GAS2: variants seen among roughly 807,000 people sequenced by gnomAD.
GAS2 encodes the protein growth arrest specific 2.
A neutral mutation model predicts 37.5 loss-of-function variants in GAS2; 20 were observed. The observed-to-expected ratio is 0.53, with a 90% CI of 0.37 to 0.77. The LOEUF is 0.77. GAS2 is among the 30% of genes least tolerant of loss of function. The pLI is 0.00. For synonymous variants in GAS2, 144 were observed against 132.2 expected (o/e 1.09, Z -0.61); for missense variants, 336 against 373.4 (o/e 0.90, Z 0.82).
intron 1 of GAS2, among the ~76,000 whole-genome samples, chr11:22,658,033 T>C (rs954405925): frequency 1.3e-5 from 2 of 151,742 alleles, no homozygotes; most frequent in African/African-American, 2.4e-5. Flanking sequence ...TTTTTTTTTT[T>C]TTTTCTTTTT....
intron 3 of GAS2, among the ~76,000 whole-genome samples, chr11:22,705,473 T>C (rs1452353032): frequency 6.6e-6 from 1 of 152,192 alleles, no homozygotes; most frequent in Non-Finnish European, 1.5e-5. Context: ...GCTAACTGTG[T>C]ACAAGATCTG....
In GAS2 at chr11:22,812,080, G is replaced by A. The variant is rs1857205760; in HGVS notation, c.*64G>A. Reference sequence around the variant, plus strand: ...TGTATCCACTTCTCCAGTATAGTCAGTTTAGTTCATATGTTCTGAAAACTG... The same window carrying A: ...TGTATCCACTTCTCCAGTATAGTCAATTTAGTTCATATGTTCTGAAAACTG... On this transcript the variant is annotated 3_prime_UTR_variant, in exon 8 of 8. Transcript: ENST00000454584. 3.4e-6 allele frequency: 4 copies of A among 1,186,888 alleles called. No individual in the cohort carries two copies. Among genetic ancestry groups the A allele is most frequent in the Non-Finnish European group, 5.0e-6 (4 of 801,842 alleles). 73.5% of individuals were successfully genotyped at this position (1,186,888 alleles called of 1,614,324 possible).
chr11:22,660,134 C>T (rs763669643), intron 1 of GAS2, among the ~76,000 whole-genome samples: 34 of 151,926 alleles, frequency 2.2e-4, no homozygotes, highest in Admixed American at 3.3e-4. Context: ...AATGAGCTCC[C>T]GGAAAGCAGG....
At chr11:22,726,240 A>G (rs1041208985) in intron 3 of GAS2, 52 bp from the exon 4 acceptor site, 2 of 1,546,770 alleles carry the variant, frequency 1.3e-6, no homozygotes, top group African/African-American at 2.8e-5. Flanking sequence ...TTAAAACATC[A>G]TTGTGCTAAC....
At chr11:22,758,034 T>A (rs1854146085) in intron 7 of GAS2, among the ~76,000 whole-genome samples, 1 of 152,218 alleles carries the variant, frequency 6.6e-6, no homozygotes, top group Admixed American at 6.5e-5. Context: ...CATATGATTA[T>A]GCTAGTACTT....
intron 5 of GAS2, among the ~76,000 whole-genome samples, chr11:22,748,220 A>T (rs1853519401): frequency 6.6e-6 from 1 of 152,052 alleles, no homozygotes; most frequent in Non-Finnish European, 1.5e-5. Flanking sequence ...TTAAGTCTTT[A>T]TCCTGCTCCT....
In GAS2 at chr11:22,803,502, C is replaced by T. The variant is rs185840189; in HGVS notation, c.724-8296C>T. The stretch of plus-strand genomic sequence containing the variant: ...AGCATGGGTGAAAACCAAAATCTAG[C>T]ACTTTGCAGAATATGTGGGTATGTT... On this transcript the variant is annotated intron_variant, in intron 7 of 7. Coordinates refer to ENST00000454584, the MANE Select transcript of GAS2 (RefSeq NM_001143830.3). Among the ~76,000 whole-genome samples, 13 of 152,220 alleles carry T rather than the reference C, an allele frequency of 8.5e-5. No homozygotes were observed. The East Asian group carries it at 2.1e-3, about 25-fold the overall frequency.
intron 1 of GAS2, among the ~76,000 whole-genome samples, chr11:22,651,315 T>A (rs1393833853): frequency 6.6e-6 from 1 of 152,226 alleles, no homozygotes; most frequent in Non-Finnish European, 1.5e-5. Context: ...CTTCCCTTTG[T>A]GGGTAACCCG....
At chr11:22,688,250 T>C (rs1850063006) in intron 3 of GAS2, 1 of 152,198 alleles carries the variant, frequency 6.6e-6, no homozygotes, top group South Asian at 2.1e-4. Context: ...AATAGGGCTC[T>C]TGATAAAATC....
intron 5 of GAS2, among the ~76,000 whole-genome samples, chr11:22,747,112 C>A (rs1390116750): frequency 6.6e-6 from 1 of 152,166 alleles, no homozygotes; most frequent in Non-Finnish European, 1.5e-5. Flanking sequence ...TTAATACTTA[C>A]ATGCTTTATT....
chr11:22,698,024 G>C (rs373010738), intron 3 of GAS2, among the ~76,000 whole-genome samples: 1 of 152,116 alleles, frequency 6.6e-6, no homozygotes, highest in South Asian at 2.1e-4. Flanking sequence ...TCTTGTGCCA[G>C]TTTTCAAAGG....
At chr11:22,807,608 T>C (rs917391713) in intron 7 of GAS2, among the ~76,000 whole-genome samples, 2 of 152,108 alleles carry the variant, frequency 1.3e-5, no homozygotes, top group African/African-American at 4.8e-5. Flanking sequence ...ACACCAGCAG[T>C]TTGGTCTTTG....
chr11:22,726,259 A>G lies in GAS2; in HGVS notation c.268-33A>G, dbSNP rs769891470. On this transcript the variant is annotated intron_variant, in intron 3 of 7. Coordinates refer to ENST00000454584, the MANE Select transcript of GAS2 (RefSeq NM_001143830.3). ...AACATCATTGTGCTAACTTTGACAG[A>G]TTTCTCCTAGAACGAATTTCTTTAT... The G allele has an allele frequency of 2.5e-6, 4 of 1,579,096 alleles. No individual in the cohort carries two copies. The South Asian group carries it at 3.5e-5, about 14-fold the overall frequency.
intron 7 of GAS2, among the ~76,000 whole-genome samples, chr11:22,801,524 A>G (rs1856664097): frequency 6.6e-6 from 1 of 152,038 alleles, no homozygotes; most frequent in South Asian, 2.1e-4. Context: ...ATTCAGTAAA[A>G]CATAGATAGT....
intron 7 of GAS2, among the ~76,000 whole-genome samples, chr11:22,774,645 T>C (rs1218488165): frequency 1.3e-5 from 2 of 152,242 alleles, no homozygotes; most frequent in Non-Finnish European, 2.9e-5. Context: ...ACTGAGATTA[T>C]GTTTGAGGAG....
chr11:22,674,764 G>A (rs958625734), intron 1 of GAS2, 86 bp from the exon 2 acceptor site: 2 of 1,011,642 alleles, frequency 2.0e-6, no homozygotes, highest in African/African-American at 3.2e-5. Flanking sequence ...AAAACCCGCG[G>A]ATCCAGTTCA....
intron 1 of GAS2, among the ~76,000 whole-genome samples, chr11:22,669,277 C>T (rs1849108854): frequency 6.6e-6 from 1 of 151,738 alleles, no homozygotes; most frequent in African/African-American, 2.4e-5. Flanking sequence ...ATTAGACTGT[C>T]ATTAGACTGT....
In GAS2 at chr11:22,685,670, A is replaced by G. The variant is rs1849904964; in HGVS notation, c.148A>G (p.Lys50Glu). ...LALWLTNLLG[K>E]EITAETFMEK... Reference sequence around the variant, plus strand: ...AATGCTTCTTTTTGTTATTTCAGGGAAGGAGATTACAGCAGAAACTTTTAT... The same window carrying G: ...AATGCTTCTTTTTGTTATTTCAGGGGAGGAGATTACAGCAGAAACTTTTAT... The change falls in exon 3 of 8, where the codon AAG becomes GAG. Residue 50 changes from lysine (K) to glutamate (E), a missense_variant and splice_region_variant. Physicochemically the swap from Lys to Glu is moderately conservative, Grantham distance 56. Transcript: ENST00000454584. 3.1e-6 allele frequency: 5 copies of G among 1,610,462 alleles called. No homozygotes were observed. Among genetic ancestry groups the G allele is most frequent in the African/African-American group, 1.3e-5 (1 of 74,740 alleles).
At chr11:22,749,826 G>T (rs541720753) in intron 6 of GAS2, among the ~76,000 whole-genome samples, 1 of 152,112 alleles carries the variant, frequency 6.6e-6, no homozygotes, top group African/African-American at 2.4e-5. Flanking sequence ...GAGCCCTTGA[G>T]TCACAATTTT....
Sources: gnomAD v4.1 joint callset for allele counts (sites outside exome capture counted in the v4.1 genomes callset) on GRCh38, gnomAD v4.1.1 for gene constraint, MANE v1.5 for transcripts, NCBI Gene and HGNC (gene_info 2026-07-23, HGNC 2026-07-21) for gene names.